TPP2: variants seen among roughly 807,000 people sequenced by gnomAD.
TPP2 encodes tripeptidyl-peptidase 2.
A neutral mutation model predicts 155.9 loss-of-function variants in TPP2; 34 were observed. The ratio of observed to expected loss-of-function variants is 0.22; its 90% confidence interval spans 0.17 to 0.29. TPP2 has a LOEUF of 0.29. Ranked by LOEUF, TPP2 falls within the 10% of genes least tolerant of loss-of-function variation. The pLI, the probability that TPP2 is intolerant of heterozygous loss-of-function variation, is 1.00. For missense variants in TPP2, 1,028 were observed against 1,522.3 expected (o/e 0.68, Z 5.40); for synonymous variants, 510 against 529.4 (o/e 0.96, Z 0.50).
At position 102,644,671 on chromosome 13, in the gene TPP2, A is replaced by G; in HGVS notation, c.2290A>G (p.Ile764Val). The G allele has an allele frequency of 6.3e-7, 1 of 1,593,538 alleles. No individual in the cohort carries two copies. The highest frequency in any genetic ancestry group is 8.5e-7 in the Non-Finnish European group (1 of 1,172,074). The change falls in exon 18 of 30, where the codon ATT (isoleucine) becomes GTT (valine). Residue 764 changes from isoleucine to valine, a missense_variant and splice_region_variant. This residue lies in a region of TPP2 where 325 missense variants were observed against 463.7 expected (regional missense o/e 0.70). Coordinates refer to ENST00000376052, the MANE Select transcript of TPP2 (RefSeq NM_001330588.2). ...GIVCTAPQLNIHASEGINRFD... is the reference protein window; with the variant it reads ...GIVCTAPQLNVHASEGINRFD... Reference sequence around the variant, plus strand: ...AGTGTGTACTGCTCCTCAGTTAAACATTGTAAGTTCCACAACATTTTCATG... The same window carrying G: ...AGTGTGTACTGCTCCTCAGTTAAACGTTGTAAGTTCCACAACATTTTCATG...
intron 24 of TPP2, among the ~76,000 whole-genome samples, chr13:102,652,307 G>C (rs1335828564): frequency 6.6e-6 from 1 of 151,528 alleles, no homozygotes; most frequent in African/African-American, 2.4e-5. Context: ...TTGAGCCTGG[G>C]AGGTGGAGGC....
At chr13:102,600,299 G>A (rs1159157345) in intron 1 of TPP2, among the ~76,000 whole-genome samples, 1 of 151,996 alleles carries the variant, frequency 6.6e-6, no homozygotes, top group Non-Finnish European at 1.5e-5. Flanking sequence ...TCTACCATCC[G>A]TCATCTGTAA....
chr13:102,671,243 G>C (rs1239965359), intron 27 of TPP2, among the ~76,000 whole-genome samples: 1 of 152,224 alleles, frequency 6.6e-6, no homozygotes, highest in Non-Finnish European at 1.5e-5. Flanking sequence ...TGTTGTAGGG[G>C]CCTCATAGGT....
intron 8 of TPP2, 43 bp from the exon 9 acceptor site, chr13:102,629,439 A>G (rs1283107101): frequency 2.1e-6 from 3 of 1,447,990 alleles, no homozygotes; most frequent in African/African-American, 2.9e-5. Context: ...CACTTTGGGA[A>G]TAGAGGCTGA....
chr13:102,635,850 CACAA>C (rs1882341031), intron 12 of TPP2, 148 bp downstream of exon 12: 4 of 666,212 alleles, frequency 6.0e-6, no homozygotes, highest in East Asian at 2.8e-5. Context: ...AAAAAGGATA[CACAA>C]ACAAATTTTG....
intron 27 of TPP2, among the ~76,000 whole-genome samples, chr13:102,666,469 T>C (rs1884602600): frequency 6.6e-6 from 1 of 152,206 alleles, no homozygotes; most frequent in Non-Finnish European, 1.5e-5. Context: ...TAAAACTGTC[T>C]TCCACAGATC....
chr13:102,638,331 C>T lies in TPP2; in HGVS notation c.1913+16C>T. On this transcript the variant is annotated intron_variant, in intron 15 of 29. Coordinates refer to ENST00000376052, the MANE Select transcript of TPP2 (RefSeq NM_001330588.2). ...TAGCAGCAAAGTAAGTAACAGGTTA[C>T]TCACAGCTTACTGGTACATCTAAGA... 6.2e-7 allele frequency: 1 copy of T among 1,610,512 alleles called. No homozygotes were observed. Among genetic ancestry groups the T allele is most frequent in the Non-Finnish European group, 8.5e-7 (1 of 1,178,594 alleles).
At chr13:102,628,765 C>G (rs961352103) in intron 8 of TPP2, among the ~76,000 whole-genome samples, 1 of 152,184 alleles carries the variant, frequency 6.6e-6, no homozygotes, top group Non-Finnish European at 1.5e-5. Flanking sequence ...ACCCTGTTAT[C>G]ATGAGTCATT....
chr13:102,619,437 C>A (rs1232072283), intron 5 of TPP2, among the ~76,000 whole-genome samples: 24 of 144,510 alleles, frequency 1.7e-4, no homozygotes, highest in African/African-American at 2.3e-4. Flanking sequence ...AGGATTTCTG[C>A]AAAAAAAAAA....
intron 2 of TPP2, among the ~76,000 whole-genome samples, chr13:102,610,230 T>C (rs1377508227): frequency 1.3e-5 from 2 of 152,086 alleles, no homozygotes; most frequent in African/African-American, 2.4e-5. Context: ...TTTATTTATT[T>C]ATTCATTTAT....
chr13:102,671,823 G>T (rs1885001612), intron 27 of TPP2, among the ~76,000 whole-genome samples: 2 of 152,110 alleles, frequency 1.3e-5, no homozygotes, highest in African/African-American at 2.4e-5. Context: ...GGAACCATGG[G>T]TTATGGGAAA....
rs1883002295 is a variant in TPP2, at chr13:102,644,905, G to T, written c.2293-4G>T. The T allele has an allele frequency of 6.2e-7, 1 of 1,612,566 alleles. No homozygotes were observed. Among genetic ancestry groups the T allele is most frequent in the Non-Finnish European group, 8.5e-7 (1 of 1,179,418 alleles). On this transcript the variant is annotated splice_region_variant and splice_polypyrimidine_tract_variant and intron_variant, in intron 18 of 29. Transcript: ENST00000376052. ...GAGAAAGTAATTTGAGAAATCCTTT[G>T]TAGCATGCATCGGAAGGAATCAACC...
chr13:102,657,089 C>T lies in TPP2; in HGVS notation c.3025C>T (p.Pro1009Ser), dbSNP rs746076087. ...CCCTGTTCATTACTACTTAATACCT[C>T]CACCAACAAAGACTAAGAATGGCAG... ...VIPVHYYLIP[P>S]PTKTKNGSKD... The change falls in exon 25 of 30, where the codon CCA (proline) becomes TCA (serine). Residue 1009 changes from proline (P) to serine (S), a missense_variant. Pro to Ser is a moderately conservative substitution (Grantham distance 74). Around this residue, in one of 7 missense-constraint regions of TPP2, gnomAD observed 179 missense variants for 274.7 expected, o/e 0.65. Transcript: ENST00000376052. The T allele has an allele frequency of 2.5e-6, 4 of 1,589,258 alleles. No individual in the cohort carries two copies. The highest frequency in any genetic ancestry group is 3.4e-6 in the Non-Finnish European group (4 of 1,172,150).
chr13:102,599,006 G>A (rs7139780), intron 1 of TPP2, among the ~76,000 whole-genome samples: 53,063 of 152,040 alleles, frequency 0.35, 11,078 homozygotes, highest in East Asian at 0.6. Context: ...TTACATGGGG[G>A]TATTGCCTGA....
At chr13:102,676,990 G>A (rs553186217) in intron 29 of TPP2, among the ~76,000 whole-genome samples, 42 of 152,338 alleles carry the variant, frequency 2.8e-4, no homozygotes, top group African/African-American at 9.9e-4. Context: ...CGTGAAGGCA[G>A]GGGAGTTTGG....
intron 2 of TPP2, chr13:102,607,718 C>T: frequency 2.3e-6 from 1 of 434,284 alleles, no homozygotes; most frequent in Non-Finnish European, 4.6e-6. Flanking sequence ...TCCCGAGTAG[C>T]TGGGATTACA....
At chr13:102,632,156 G>A (rs73578879) in intron 10 of TPP2, among the ~76,000 whole-genome samples, 22,753 of 152,058 alleles carry the variant, frequency 0.15, 2,044 homozygotes, top group African/African-American at 0.25. Context: ...TAAACAGGTC[G>A]TGAAATTTTA....
intron 24 of TPP2, among the ~76,000 whole-genome samples, chr13:102,656,436 G>A (rs1057018210): frequency 7.9e-5 from 12 of 152,080 alleles, no homozygotes; most frequent in South Asian, 2.1e-4. Flanking sequence ...GGTCGTTTGC[G>A]TAAGATATTA....
rs779424616 is a variant in TPP2, at chr13:102,657,051, C to T, written c.2992-5C>T. On this transcript the variant is annotated splice_region_variant and splice_polypyrimidine_tract_variant and intron_variant, in intron 24 of 29. Coordinates refer to ENST00000376052, the MANE Select transcript of TPP2 (RefSeq NM_001330588.2). The stretch of plus-strand genomic sequence containing the variant: ...TAATCTAAGAATCTCTCTCCACATT[C>T]GTAGGATGTAATCCCTGTTCATTAC... 21 of 1,581,274 alleles carry T rather than the reference C, an allele frequency of 1.3e-5. No individual in the cohort carries two copies. Among genetic ancestry groups the T allele is most frequent in the South Asian group, 3.6e-5 (3 of 83,878 alleles).
Sources: allele counts gnomAD v4.1 joint callset (sites outside exome capture counted in the v4.1 genomes callset), GRCh38; gene constraint gnomAD v4.1.1; regional missense constraint gnomAD v4.1.1; transcripts MANE v1.5; gene names NCBI Gene and HGNC (gene_info 2026-07-23, HGNC 2026-07-21).